Variants in CPSF3 observed in about 807,000 individuals in gnomAD.
CPSF3 encodes cleavage and polyadenylation specific factor 3.
A neutral mutation model predicts 84.1 loss-of-function variants in CPSF3; 57 were observed. That is an observed-to-expected ratio of 0.68 (90% CI 0.55 to 0.85). The LOEUF (loss-of-function observed/expected upper bound fraction) is 0.85, where lower values mean the gene tolerates loss of function less well. CPSF3 is among the 40% of genes least tolerant of loss of function. The pLI is 0.00. For missense variants in CPSF3, 522 were observed against 838.8 expected (o/e 0.62, Z 4.66); for synonymous variants, 275 against 278.1 (o/e 0.99, Z 0.11).
At chr2:9,436,384 A>G in intron 7 of CPSF3, 23 bp downstream of exon 7, 2 of 1,585,492 alleles carry the variant, frequency 1.3e-6, no homozygotes, top group South Asian at 2.3e-5. Context: ...CTTTGTATTT[A>G]GGCGATGATC....
At chr2:9,423,939 G>A in intron 1 of CPSF3, 116 bp downstream of exon 1, 1 of 1,494,718 alleles carries the variant, frequency 6.7e-7, no homozygotes, top group Non-Finnish European at 8.9e-7. Context: ...GCCTGCCTTT[G>A]GTCCGCGCTT....
At chr2:9,441,784 TA>T in intron 8 of CPSF3, 33 bp from the exon 9 acceptor site, 1 of 1,608,616 alleles carries the variant, frequency 6.2e-7, no homozygotes, top group Non-Finnish European at 8.5e-7. Flanking sequence ...TGCTGGTAGC[TA>T]ACATACTTTT....
rs373105999 is a variant in CPSF3 at position 9,473,028 on chromosome 2, G to A, written c.*11G>A. 49 of 1,586,482 alleles carry A rather than the reference G, an allele frequency of 3.1e-5. No homozygotes were observed. The African/African-American group carries it at 6.4e-4, about 21-fold the overall frequency. The stretch of plus-strand genomic sequence containing the variant: ...ACGCCAGTTCACTGAGACTGTGCCT[G>A]TATATGAACTTTGAAAAAATACTTG... On this transcript the variant is annotated 3_prime_UTR_variant, in exon 18 of 18. Coordinates refer to ENST00000238112, the MANE Select transcript of CPSF3 (RefSeq NM_016207.4).
In CPSF3 at chr2:9,444,660, GTT is replaced by G. The variant is rs1437477283; in HGVS notation, c.1242+1001_1242+1002del. 2.5e-4 allele frequency among the ~76,000 whole-genome samples: 7 copies of G among 27,750 alleles called. No individual in the cohort carries two copies. In the African/African-American group the frequency reaches 2.7e-3, roughly 11 times the overall value. 18.2% of individuals were successfully genotyped at this position (27,750 alleles called of 152,430 possible). A position where few individuals can be genotyped will look rare whatever the true frequency, so the allele number is the denominator to read the frequency against. On this transcript the variant is annotated intron_variant, in intron 10 of 17. Coordinates refer to ENST00000238112, the MANE Select transcript of CPSF3 (RefSeq NM_016207.4). Reference sequence around the variant, plus strand: ...TGCTTGTTGTTTGGGGTGTTTTTTGGTTTGTTTGTTTGTTTGTTTGTTTGGAT... The same window carrying G: ...TGCTTGTTGTTTGGGGTGTTTTTTGGTGTTTGTTTGTTTGTTTGTTTGGAT...
intron 4 of CPSF3, among the ~76,000 whole-genome samples, chr2:9,431,215 C>T (rs1273753399): frequency 2.6e-5 from 4 of 152,198 alleles, no homozygotes; most frequent in South Asian, 2.1e-4. Context: ...TGCCACCACA[C>T]CCAGCAGAGT....
chr2:9,463,622 A>C (rs1253794063), intron 15 of CPSF3, among the ~76,000 whole-genome samples: 1 of 152,230 alleles, frequency 6.6e-6, no homozygotes, highest in Non-Finnish European at 1.5e-5. Context: ...CAAGTATTGC[A>C]AGAACTGGTA....
chr2:9,455,640 C>A lies in CPSF3; in HGVS notation c.1505-19C>A, dbSNP rs73913110. 20,368 of 1,577,406 alleles carry A rather than the reference C, an allele frequency of 0.013. 2,231 individuals are homozygous for A. The African/African-American group carries it at 0.24, about 18-fold the overall frequency. Reference sequence around the variant, plus strand: ...GTAGGACTAGTATTTCTTCAAGTCTCTTCTCATTTTCTCTTCAGATTATAC... The same window carrying A: ...GTAGGACTAGTATTTCTTCAAGTCTATTCTCATTTTCTCTTCAGATTATAC... On this transcript the variant is annotated intron_variant, in intron 12 of 17. Transcript: ENST00000238112.
chr2:9,471,335 A>G lies in CPSF3; in HGVS notation c.1857-8A>G, dbSNP rs376525466. ...TTTCACTAATCCTGCATTTCTGCTT[A>G]TTTTCAGGGACATATTTGGAGAAGA... is the stretch of plus-strand genomic sequence containing the variant. On this transcript the variant is annotated splice_polypyrimidine_tract_variant and splice_region_variant and intron_variant, in intron 16 of 17. Coordinates refer to ENST00000238112, the MANE Select transcript of CPSF3 (RefSeq NM_016207.4). 5.1e-6 allele frequency: 8 copies of G among 1,568,584 alleles called. No individual in the cohort carries two copies. In the African/African-American group the frequency reaches 1.1e-4, roughly 21 times the overall value.
chr2:9,452,444 C>G (rs1681366291), intron 11 of CPSF3, among the ~76,000 whole-genome samples: 4 of 152,082 alleles, frequency 2.6e-5, no homozygotes, highest in Admixed American at 2.6e-4. Flanking sequence ...CACCCATAAC[C>G]TGTTTTTATT....
intron 11 of CPSF3, among the ~76,000 whole-genome samples, chr2:9,449,345 G>A (rs1572788912): frequency 6.6e-6 from 1 of 152,172 alleles, no homozygotes; most frequent in Non-Finnish European, 1.5e-5. Context: ...AGCTGAGATC[G>A]AACCTGAGAG....
chr2:9,437,124 C>T (rs9784085), intron 7 of CPSF3, among the ~76,000 whole-genome samples: 4,914 of 148,528 alleles, frequency 0.033, 249 homozygotes, highest in African/African-American at 0.12. Flanking sequence ...TTACTCTGGG[C>T]TGGACGTGGT....
At chr2:9,445,127 G>C (rs1249656660) in intron 10 of CPSF3, among the ~76,000 whole-genome samples, 2 of 152,050 alleles carry the variant, frequency 1.3e-5, no homozygotes, top group African/African-American at 4.8e-5. Flanking sequence ...ATCACTCCAA[G>C]CAGAAACTCT....
chr2:9,436,774 A>AAAAAAAAAATAAAAAATAAT (rs139337028), intron 7 of CPSF3, among the ~76,000 whole-genome samples: 9 of 143,002 alleles, frequency 6.3e-5, no homozygotes, highest in Non-Finnish European at 9.2e-5. Flanking sequence ...CCATCTCAAA[A>AAAAAAAAAATAAAAAATAAT]AATAATAATA....
chr2:9,445,619 C>T (rs985374656), intron 10 of CPSF3, among the ~76,000 whole-genome samples: 25 of 152,262 alleles, frequency 1.6e-4, no homozygotes, highest in Admixed American at 1.0e-3. Flanking sequence ...GAGTAGGCTC[C>T]TCCCAGGTGT....
In CPSF3 at chr2:9,446,211, G is replaced by A. The variant is rs542622194; in HGVS notation, c.1243-1987G>A. 7.4e-4 allele frequency among the ~76,000 whole-genome samples: 113 copies of A among 152,240 alleles called. 2 individuals carry two copies. The South Asian group carries it at 0.018, about 24-fold the overall frequency. On this transcript the variant is annotated intron_variant, in intron 10 of 17. Transcript: ENST00000238112. ...TGCAGTCCCAGCACTTTGGGAGGCC[G>A]ATGTGGGTGGATCACTTGAGGCCAG...
intron 10 of CPSF3, among the ~76,000 whole-genome samples, chr2:9,444,027 T>A (rs1214608028): frequency 6.6e-6 from 1 of 151,852 alleles, no homozygotes; most frequent in African/African-American, 2.4e-5. Context: ...TCTCTGTACC[T>A]CATTTGTAAA....
At chr2:9,468,896 G>C (rs1682067181) in intron 16 of CPSF3, among the ~76,000 whole-genome samples, 1 of 152,104 alleles carries the variant, frequency 6.6e-6, no homozygotes, top group African/African-American at 2.4e-5. Context: ...AAAGTGCTGG[G>C]ATTAGAGGTG....
intron 15 of CPSF3, among the ~76,000 whole-genome samples, chr2:9,466,354 A>ACGCACACACGCGCGCGCGCT (rs1558466590): frequency 8.6e-5 from 12 of 139,738 alleles, no homozygotes; most frequent in African/African-American, 2.9e-4. Flanking sequence ...GCGCGCGCGC[A>ACGCACACACGCGCGCGCGCT]CACACACACG....
rs1258149438 is a variant in CPSF3 at position 9,441,994 on chromosome 2, G to A, written c.1095+18G>A. 1.2e-5 allele frequency: 20 copies of A among 1,612,778 alleles called. No homozygotes were observed. Among genetic ancestry groups the A allele is most frequent in the Non-Finnish European group, 1.6e-5 (19 of 1,178,986 alleles). On this transcript the variant is annotated intron_variant, in intron 9 of 17. Coordinates refer to ENST00000238112, the MANE Select transcript of CPSF3 (RefSeq NM_016207.4). ...TTGCCAAGGTCAGTTACAGTCATAG[G>A]CTGTTGTGTTATTCCTATTCAGAAT...
Sources: allele counts gnomAD v4.1 joint callset (sites outside exome capture counted in the v4.1 genomes callset), GRCh38; gene constraint gnomAD v4.1.1; transcripts MANE v1.5; gene names NCBI Gene and HGNC (gene_info 2026-07-23, HGNC 2026-07-21).